Variants in NCK1 observed in about 807,000 individuals in gnomAD.
NCK1 encodes SH2/SH3 adapter protein NCK1.
A neutral mutation model predicts 36.6 loss-of-function variants in NCK1; 19 were observed. That is an observed-to-expected ratio of 0.52 (90% confidence interval 0.36 to 0.76). The LOEUF is 0.76. NCK1 is among the 30% of genes least tolerant of loss of function. The pLI is 0.00. For synonymous variants in NCK1, 165 were observed against 156.0 expected, an observed-to-expected ratio of 1.06 and a Z score of -0.43; for missense variants, 358 against 445.6, an observed-to-expected ratio of 0.80 and a Z score of 1.77.
chr3:136,912,803 T>A (rs1378718463), intron 1 of NCK1, among the ~76,000 whole-genome samples: 1 of 151,986 alleles, frequency 6.6e-6, no homozygotes, highest in Admixed American at 6.6e-5. Context: ...CTACTTGCGC[T>A]GCTGTGCTTG....
Position 136,899,718 on chromosome 3 carries a change from C to T in NCK1, c.-18-28266C>T, listed in dbSNP as rs114626378. The stretch of plus-strand genomic sequence containing the variant: ...GCAATTAGAGATACGAGGAGACTTA[C>T]TCACTGTTTCTGTTCTACTATTGCC... On this transcript the variant is annotated intron_variant, in intron 1 of 3. Transcript: ENST00000481752. 1,868 of 841,676 alleles carry T rather than the reference C, an allele frequency of 2.2e-3. 20 individuals are homozygous for T. In the African/African-American group the frequency reaches 0.023, roughly 10 times the overall value. 52.1% of individuals were successfully genotyped at this position (841,676 alleles called of 1,614,324 possible).
At chr3:136,867,025 T>C (rs1938433730) in intron 1 of NCK1, among the ~76,000 whole-genome samples, 1 of 151,760 alleles carries the variant, frequency 6.6e-6, no homozygotes. Flanking sequence ...CCAAATGTTT[T>C]TCCTGTTCCC....
At chr3:136,923,676 T>G (rs1340927469) in intron 1 of NCK1, among the ~76,000 whole-genome samples, 3 of 152,182 alleles carry the variant, frequency 2.0e-5, no homozygotes, top group African/African-American at 7.2e-5. Context: ...TTTAAATATG[T>G]TTGATATTTA....
intron 1 of NCK1, among the ~76,000 whole-genome samples, chr3:136,865,807 A>T (rs1161577696): frequency 1.3e-5 from 2 of 152,132 alleles, no homozygotes; most frequent in Non-Finnish European, 2.9e-5. Context: ...CTCACCTTAA[A>T]CTCTAATGAA....
chr3:136,888,637 C>T (rs948470449), intron 1 of NCK1, among the ~76,000 whole-genome samples: 5 of 151,928 alleles, frequency 3.3e-5, no homozygotes, highest in South Asian at 2.1e-4. Flanking sequence ...CTCTTGACCT[C>T]GCGAGCCACC....
At chr3:136,874,824 A>G (rs910653106) in intron 1 of NCK1, among the ~76,000 whole-genome samples, 3 of 151,856 alleles carry the variant, frequency 2.0e-5, no homozygotes, top group East Asian at 3.9e-4. Flanking sequence ...TTTCATGTTC[A>G]TGCTTGATTT....
chr3:136,873,182 C>T (rs1019368002), intron 1 of NCK1, among the ~76,000 whole-genome samples: 4 of 152,220 alleles, frequency 2.6e-5, no homozygotes, highest in African/African-American at 9.6e-5. Context: ...AGGAGAGAGG[C>T]TGTACTCTGC....
At position 136,871,212 on chromosome 3, in the gene NCK1, A is replaced by G. The variant is rs183325031; in HGVS notation, c.-19+8859A>G. Among the ~76,000 whole-genome samples, 134 of 151,948 alleles carry G rather than the reference A, an allele frequency of 8.8e-4. No homozygotes were observed. The East Asian group carries it at 0.017, about 19-fold the overall frequency. On this transcript the variant is annotated intron_variant, in intron 1 of 3. Coordinates refer to ENST00000481752, the MANE Select transcript of NCK1 (RefSeq NM_001291999.2). ...GGAGTTAGAGATCAGCCTGGGCAATATAGCAAGAGCCGGCCTTTACAAAAG... is the reference window on the plus strand; with the variant it reads ...GGAGTTAGAGATCAGCCTGGGCAATGTAGCAAGAGCCGGCCTTTACAAAAG...
At chr3:136,881,098 A>G (rs1367908505) in intron 1 of NCK1, among the ~76,000 whole-genome samples, 3 of 152,150 alleles carry the variant, frequency 2.0e-5, no homozygotes. Context: ...CTTCCAGTCC[A>G]TCAGCAAATC....
chr3:136,930,361 T>C (rs972939298), intron 2 of NCK1: 2 of 920,060 alleles, frequency 2.2e-6, no homozygotes, highest in Admixed American at 4.4e-5. Flanking sequence ...TTACTTGTTA[T>C]ACAGGCTGTG....
rs539059195 is a variant in NCK1 at position 136,876,476 on chromosome 3, C to T, written c.-19+14123C>T. Among the ~76,000 whole-genome samples the T allele has an allele frequency of 9.9e-5, 15 of 152,142 alleles. No individual in the cohort carries two copies. In the South Asian group the frequency reaches 1.2e-3, roughly 13 times the overall value. ...AAAATGATAAAGGGGATATCACCAC[C>T]GATCCCACAGAAATACAAACTACCA... On this transcript the variant is annotated intron_variant, in intron 1 of 3. Coordinates refer to ENST00000481752, the MANE Select transcript of NCK1 (RefSeq NM_001291999.2).
chr3:136,930,189 A>G lies in NCK1; in HGVS notation c.226+1962A>G, dbSNP rs530023944. Among the ~76,000 whole-genome samples the G allele has an allele frequency of 2.4e-4, 37 of 152,246 alleles. No homozygotes were observed. In the South Asian group the frequency reaches 7.3e-3, roughly 30 times the overall value. On this transcript the variant is annotated intron_variant, in intron 2 of 3. Transcript: ENST00000481752. ...GGTGTAATTAATGGATTTGTTTCGC[A>G]ATGGTTGTGCTGGTGGAGACATTGT...
chr3:136,917,758 A>C (rs1009679070), intron 1 of NCK1, among the ~76,000 whole-genome samples: 1 of 152,226 alleles, frequency 6.6e-6, no homozygotes, highest in Non-Finnish European at 1.5e-5. Context: ...CTTACGAGTT[A>C]GAGGTGGTTT....
chr3:136,897,817 A>G (rs780235746), intron 1 of NCK1, among the ~76,000 whole-genome samples: 1 of 152,192 alleles, frequency 6.6e-6, no homozygotes, highest in Non-Finnish European at 1.5e-5. Flanking sequence ...TGATTTGAAA[A>G]TTTTTTATAA....
intron 1 of NCK1, among the ~76,000 whole-genome samples, chr3:136,897,755 C>T (rs1377235005): frequency 2.0e-5 from 3 of 152,040 alleles, no homozygotes; most frequent in South Asian, 4.1e-4. Context: ...ATAGATGTTC[C>T]CATAAACTGA....
At chr3:136,919,293 T>C (rs749743279) in intron 1 of NCK1, among the ~76,000 whole-genome samples, 11 of 152,202 alleles carry the variant, frequency 7.2e-5, no homozygotes, top group Non-Finnish European at 1.3e-4. Flanking sequence ...TACATAACTC[T>C]TAAATGTTTG....
chr3:136,904,432 C>T (rs193146784), intron 1 of NCK1, among the ~76,000 whole-genome samples: 60 of 152,254 alleles, frequency 3.9e-4, no homozygotes, highest in South Asian at 3.7e-3. Context: ...GGATTACAGG[C>T]GTGAGCCACC....
intron 1 of NCK1, among the ~76,000 whole-genome samples, chr3:136,869,901 A>C (rs1938557202): frequency 1.3e-5 from 2 of 152,172 alleles, no homozygotes; most frequent in African/African-American, 4.8e-5. Flanking sequence ...TGAAATTGTA[A>C]GTAATGATTG....
intron 1 of NCK1, among the ~76,000 whole-genome samples, chr3:136,865,080 C>T (rs1938375108): frequency 6.6e-6 from 1 of 152,096 alleles, no homozygotes; most frequent in South Asian, 2.1e-4. Flanking sequence ...GCCTCAGCCT[C>T]CCCAGTAGCT....
Sources: allele counts gnomAD v4.1 joint callset (sites outside exome capture counted in the v4.1 genomes callset), GRCh38; gene constraint gnomAD v4.1.1; transcripts MANE v1.5; gene names NCBI Gene and HGNC (gene_info 2026-07-23, HGNC 2026-07-21).